VDAC1: variants seen among roughly 807,000 people sequenced by gnomAD.
VDAC1 encodes voltage dependent anion channel 1, also known as non-selective voltage-gated ion channel VDAC1.
A neutral mutation model predicts 34.7 loss-of-function variants in VDAC1; 10 were observed. The observed-to-expected ratio is 0.29, with a 90% CI of 0.18 to 0.49. The LOEUF is 0.49. Ranked by LOEUF, VDAC1 falls within the 20% of genes least tolerant of loss-of-function variation. VDAC1 has a pLI of 0.99. For missense variants in VDAC1, 230 were observed against 347.9 expected (o/e 0.66, Z 2.69); for synonymous variants, 130 against 136.0 (o/e 0.96, Z 0.30).
At chr5:134,003,269 C>A (rs1022774702) in intron 1 of VDAC1, among the ~76,000 whole-genome samples, 2 of 152,160 alleles carry the variant, frequency 1.3e-5, no homozygotes, top group African/African-American at 4.8e-5. Context: ...CTGGGGTGGG[C>A]AGAATGAAGG....
chr5:134,040,258 C>T, the VDAC1 span, among the ~76,000 whole-genome samples: 1 of 152,180 alleles, frequency 6.6e-6, no homozygotes, highest in African/African-American at 2.4e-5. Flanking sequence ...TGGCGAAACC[C>T]GGTCTCCACT....
At chr5:134,084,826 G>A in the VDAC1 span, among the ~76,000 whole-genome samples, 3 of 152,226 alleles carry the variant, frequency 2.0e-5, no homozygotes, top group Non-Finnish European at 1.5e-5. Flanking sequence ...GAACTGTCAC[G>A]CCTGGCAGAG....
At chr5:133,989,073 G>A (rs761515418) in intron 5 of VDAC1, 1 of 152,192 alleles carries the variant, frequency 6.6e-6, no homozygotes, top group African/African-American at 2.4e-5. Flanking sequence ...CTACAGCAGC[G>A]AAGAGGAATG....
chr5:134,023,460 A>C, the VDAC1 span, among the ~76,000 whole-genome samples: 1 of 145,528 alleles, frequency 6.9e-6, no homozygotes, highest in Non-Finnish European at 1.5e-5. Context: ...TGTTCTGCAC[A>C]TGTATCCCAG....
At chr5:134,015,633 T>A in the VDAC1 span, among the ~76,000 whole-genome samples, 3 of 152,028 alleles carry the variant, frequency 2.0e-5, no homozygotes, top group Admixed American at 6.5e-5. Flanking sequence ...CGATTTTTTT[T>A]TTCTTTTTTG....
At chr5:134,019,007 T>C in the VDAC1 span, among the ~76,000 whole-genome samples, 3 of 152,138 alleles carry the variant, frequency 2.0e-5, no homozygotes. Context: ...GAACCCTCCT[T>C]GACTCTGCCC....
At chr5:133,984,119 G>A (rs528803551) in intron 5 of VDAC1, among the ~76,000 whole-genome samples, 129 of 152,096 alleles carry the variant, frequency 8.5e-4, no homozygotes, top group African/African-American at 2.4e-3. Flanking sequence ...GCAGTGGTGC[G>A]ATCATGGCTC....
chr5:134,003,388 G>C (rs933470074), intron 1 of VDAC1, among the ~76,000 whole-genome samples: 1 of 152,182 alleles, frequency 6.6e-6, no homozygotes, highest in African/African-American at 2.4e-5. Flanking sequence ...TAGTCAAGGG[G>C]ACAGGGACCC....
chr5:134,027,370 G>A, the VDAC1 span, among the ~76,000 whole-genome samples: 3 of 152,266 alleles, frequency 2.0e-5, no homozygotes, highest in South Asian at 4.1e-4. Flanking sequence ...ACCAGTTCCC[G>A]AGCAGCAAGG....
intron 5 of VDAC1, among the ~76,000 whole-genome samples, chr5:133,982,841 G>C (rs752363600): frequency 2.0e-5 from 3 of 146,948 alleles, no homozygotes; most frequent in Admixed American, 6.9e-5. Flanking sequence ...AGTGAGCCAA[G>C]ACCGCGCCAC....
the VDAC1 span, among the ~76,000 whole-genome samples, chr5:134,096,235 C>T: frequency 6.6e-6 from 1 of 152,236 alleles, no homozygotes; most frequent in Non-Finnish European, 1.5e-5. Flanking sequence ...CTGACACTGC[C>T]GAGGGCAATG....
At chr5:134,038,023 T>A in the VDAC1 span, among the ~76,000 whole-genome samples, 902 of 152,340 alleles carry the variant, frequency 5.9e-3, 9 homozygotes, top group African/African-American at 0.021. Flanking sequence ...TATTAAATAA[T>A]GTCAATGTGC....
the VDAC1 span, among the ~76,000 whole-genome samples, chr5:134,088,199 T>A: frequency 6.6e-6 from 1 of 151,840 alleles, no homozygotes; most frequent in Non-Finnish European, 1.5e-5. Context: ...AACAAGCAGC[T>A]CTGACAACTA....
At chr5:134,030,717 C>T in the VDAC1 span, among the ~76,000 whole-genome samples, 1 of 152,020 alleles carries the variant, frequency 6.6e-6, no homozygotes. Context: ...AAGTGATTCT[C>T]CTGCCTCAGC....
chr5:134,018,785 A>G, the VDAC1 span, among the ~76,000 whole-genome samples: 3 of 152,318 alleles, frequency 2.0e-5, no homozygotes, highest in African/African-American at 4.8e-5. Context: ...CTTTGAGTCA[A>G]GCATGCTCAG....
At chr5:134,055,747 G>T in the VDAC1 span, among the ~76,000 whole-genome samples, 3 of 57,422 alleles carry the variant, frequency 5.2e-5, no homozygotes, top group Non-Finnish European at 9.5e-5. Flanking sequence ...GTTTTTAATT[G>T]TCTTTTTTTC....
the VDAC1 span, among the ~76,000 whole-genome samples, chr5:134,055,340 G>T: frequency 3.3e-5 from 5 of 152,172 alleles, no homozygotes; most frequent in Non-Finnish European, 5.9e-5. Flanking sequence ...AGATTTCCCC[G>T]TGTCTCAGGC....
At chr5:134,004,036 C>G (rs1753661997) in intron 1 of VDAC1, among the ~76,000 whole-genome samples, 1 of 152,254 alleles carries the variant, frequency 6.6e-6, no homozygotes, top group South Asian at 2.1e-4. Flanking sequence ...GAGCTCCGGC[C>G]TCTACCGCCT....
intron 5 of VDAC1, among the ~76,000 whole-genome samples, chr5:133,985,639 G>A (rs577005882): frequency 1.9e-4 from 29 of 152,278 alleles, no homozygotes; most frequent in Non-Finnish European, 3.2e-4. Context: ...GAGCGACAGA[G>A]CAAGATGTCT....
Sources: allele counts gnomAD v4.1 joint callset (sites outside exome capture counted in the v4.1 genomes callset), GRCh38; gene constraint gnomAD v4.1.1; transcripts MANE v1.5; gene names NCBI Gene and HGNC (gene_info 2026-07-23, HGNC 2026-07-21).